The following IL7 variants were observed in gnomAD, a reference collection of about 807,000 sequenced individuals.
The protein encoded by IL7 is interleukin 7, also known as interleukin-7.
In IL7, 3 loss-of-function variants were observed where a neutral mutation model predicts 21.6. The observed-to-expected ratio is 0.14, with a 90% CI of 0.06 to 0.36. IL7 has a LOEUF of 0.36. IL7 is among the 10% of genes least tolerant of loss of function. The pLI is 1.00. For synonymous variants in IL7, 62 were observed against 68.1 expected, an observed-to-expected ratio of 0.91 and a Z score of 0.44; for missense variants, 175 against 200.2, an observed-to-expected ratio of 0.87 and a Z score of 0.76.
chr8:78,715,903 G>A (rs1013200545), downstream of IL7, among the ~76,000 whole-genome samples: 15 of 151,432 alleles, frequency 9.9e-5, no homozygotes, highest in Non-Finnish European at 1.3e-4. Context: ...AGCCGGTTGT[G>A]GTGTTGCACA....
At chr8:78,734,366 A>G (rs996490846) in intron 5 of IL7, among the ~76,000 whole-genome samples, 1 of 152,176 alleles carries the variant, frequency 6.6e-6, no homozygotes, top group African/African-American at 2.4e-5. Flanking sequence ...GGCTACCTGT[A>G]CAACCTGTAG....
chr8:78,686,792 A>G (rs951777926), intron 3 of IL7, among the ~76,000 whole-genome samples: 4 of 152,170 alleles, frequency 2.6e-5, no homozygotes, highest in Admixed American at 6.6e-5. Context: ...ATTAATTTAG[A>G]ACATGGAAGT....
downstream of IL7, among the ~76,000 whole-genome samples, chr8:78,732,191 A>G (rs1811437557): frequency 6.6e-6 from 1 of 152,114 alleles, no homozygotes; most frequent in Non-Finnish European, 1.5e-5. Flanking sequence ...ATTTGCTTCT[A>G]AAAAATGTTA....
Position 78,678,885 on chromosome 8 carries a change from A to G in IL7, n.274-2781T>C, listed in dbSNP as rs1262006810. ...ATTTTATTTTAAAAAATAAGCTTCTAAACTTCAAAGAAGAGACCAAGGTGC... is the reference window on the plus strand; with the variant it reads ...ATTTTATTTTAAAAAATAAGCTTCTGAACTTCAAAGAAGAGACCAAGGTGC... On this transcript the variant is annotated intron_variant and non_coding_transcript_variant, in intron 4 of 4. Transcript: ENST00000523959. 5 of 318,274 alleles carry G rather than the reference A, an allele frequency of 1.6e-5. No homozygotes were observed. In the Admixed American group the frequency reaches 2.5e-4, roughly 16 times the overall value. 19.7% of individuals were successfully genotyped at this position (318,274 alleles called of 1,614,324 possible).
chr8:78,768,217 G>A (rs1812824696), intron 2 of IL7, among the ~76,000 whole-genome samples: 1 of 152,092 alleles, frequency 6.6e-6, no homozygotes, highest in Non-Finnish European at 1.5e-5. Flanking sequence ...TGTGAATAGT[G>A]CCACAATAAA....
intron 2 of IL7, among the ~76,000 whole-genome samples, chr8:78,770,120 C>T (rs1812901351): frequency 6.6e-6 from 1 of 152,150 alleles, no homozygotes; most frequent in South Asian, 2.1e-4. Context: ...AGGACATAGG[C>T]ATGGGCAAGA....
At chr8:78,759,801 T>C (rs996305227) in intron 2 of IL7, among the ~76,000 whole-genome samples, 2 of 152,286 alleles carry the variant, frequency 1.3e-5, no homozygotes. Context: ...CTCTTCAAAA[T>C]ATATTTTTTC....
chr8:78,766,130 C>T (rs890360414), intron 2 of IL7, among the ~76,000 whole-genome samples: 16 of 152,026 alleles, frequency 1.1e-4, no homozygotes, highest in Non-Finnish European at 1.6e-4. Context: ...AAAGGTAAAA[C>T]TAGAGACAGT....
At chr8:78,789,608 A>G (rs1363317020) in intron 2 of IL7, among the ~76,000 whole-genome samples, 1 of 152,138 alleles carries the variant, frequency 6.6e-6, no homozygotes, top group African/African-American at 2.4e-5. Context: ...CAGATAACTC[A>G]AGCATCATTA....
chr8:78,688,458 T>A (rs1810097652), intron 3 of IL7, among the ~76,000 whole-genome samples: 1 of 152,238 alleles, frequency 6.6e-6, no homozygotes, highest in East Asian at 1.9e-4. Context: ...AAACTCTGTA[T>A]CAAAAAAGTA....
At chr8:78,760,109 T>C (rs1268761816) in intron 2 of IL7, 5 of 1,490,654 alleles carry the variant, frequency 3.4e-6, no homozygotes, top group African/African-American at 1.4e-5. Context: ...CTTCCAAATA[T>C]CAAATATAAG....
At chr8:78,706,015 C>T (rs533880960) in intron 3 of IL7, among the ~76,000 whole-genome samples, 34 of 152,222 alleles carry the variant, frequency 2.2e-4, no homozygotes, top group African/African-American at 7.9e-4. Context: ...ACCTGCTTAA[C>T]CAGCAGTCTG....
intron 2 of IL7, among the ~76,000 whole-genome samples, chr8:78,796,169 A>G (rs540173619): frequency 1.3e-5 from 2 of 152,202 alleles, no homozygotes; most frequent in African/African-American, 4.8e-5. Context: ...GTCTATGTAG[A>G]AAATTCCTAA....
chr8:78,735,930 C>A (rs1394026846), intron 5 of IL7, among the ~76,000 whole-genome samples: 2 of 151,606 alleles, frequency 1.3e-5, no homozygotes, highest in African/African-American at 4.8e-5. Context: ...AAGTATTCTG[C>A]CTTATTAAGT....
chr8:78,734,190 G>A (rs1156836206), intron 5 of IL7, among the ~76,000 whole-genome samples: 4 of 152,156 alleles, frequency 2.6e-5, no homozygotes, highest in Non-Finnish European at 5.9e-5. Flanking sequence ...TTAGTGGGAA[G>A]AATAATCAAC....
chr8:78,800,714 CT>C (rs1180278490), intron 1 of IL7, among the ~76,000 whole-genome samples: 2 of 152,164 alleles, frequency 1.3e-5, no homozygotes, highest in Non-Finnish European at 2.9e-5. Flanking sequence ...TGAAATCATA[CT>C]TTTTATTTTC....
chr8:78,804,581 A>G (rs1814239443), intron 1 of IL7, among the ~76,000 whole-genome samples: 1 of 152,166 alleles, frequency 6.6e-6, no homozygotes, highest in Non-Finnish European at 1.5e-5. Flanking sequence ...CCAGACAGAG[A>G]GCCTTTGGCT....
chr8:78,716,518 T>C (rs1052749451), downstream of IL7, among the ~76,000 whole-genome samples: 2 of 152,086 alleles, frequency 1.3e-5, no homozygotes, highest in Non-Finnish European at 2.9e-5. Context: ...TATCATTAAA[T>C]AATAAAACTA....
chr8:78,761,221 G>C, intron 2 of IL7: 3 of 1,596,200 alleles, frequency 1.9e-6, no homozygotes. Context: ...AAATTACGTT[G>C]TCAAGTTCTA....
Sources: allele counts gnomAD v4.1 joint callset (sites outside exome capture counted in the v4.1 genomes callset), GRCh38; gene constraint gnomAD v4.1.1; transcripts MANE v1.5; gene names NCBI Gene and HGNC (gene_info 2026-07-23, HGNC 2026-07-21).